The following WRN variants were observed in gnomAD, a reference collection of about 807,000 sequenced individuals.
WRN encodes the protein WRN RecQ like helicase, also known as bifunctional 3'-5' exonuclease/ATP-dependent helicase WRN.
Under a neutral mutation model 180.7 loss-of-function variants are expected in WRN, and 149 were observed. The ratio of observed to expected loss-of-function variants is 0.82; its 90% CI spans 0.72 to 0.94. WRN has a LOEUF of 0.94. WRN is among the 40% of genes least tolerant of loss of function. The pLI is 0.00. For synonymous variants in WRN, 548 were observed against 568.9 expected, an observed-to-expected ratio of 0.96 and a Z score of 0.52; for missense variants, 1,661 against 1,700.1, an observed-to-expected ratio of 0.98 and a Z score of 0.40.
chr8:31,091,802 G>A, intron 15 of WRN, 28 bp from the exon 16 acceptor site: 1 of 1,595,314 alleles, frequency 6.3e-7, no homozygotes, highest in Non-Finnish European at 8.6e-7. Context: ...TGTACATGGT[G>A]CCAGAATATT....
intron 4 of WRN, 108 bp downstream of exon 4, chr8:31,064,542 A>C: frequency 2.1e-6 from 3 of 1,453,842 alleles, no homozygotes; most frequent in East Asian, 2.3e-5. Flanking sequence ...TCATTATCTC[A>C]AATTTATTTA....
intron 34 of WRN, 112 bp from the exon 35 acceptor site, chr8:31,172,879 TTGGA>T (rs1804154006): frequency 1.2e-6 from 1 of 807,310 alleles, no homozygotes; most frequent in African/African-American, 1.7e-5. Flanking sequence ...ACTATTTTGT[TTGGA>T]TGGGGGAGAA....
intron 4 of WRN, 91 bp downstream of exon 4, chr8:31,064,525 C>A (rs11574198): frequency 6.5e-7 from 1 of 1,532,942 alleles, no homozygotes; most frequent in Admixed American, 1.7e-5. Context: ...ATTAGCTGGC[C>A]GTTCTCTCAT....
In WRN at chr8:31,147,405, T is replaced by G; in HGVS notation, c.3501T>G (p.His1167Gln). The change falls in exon 30 of 35, where the codon CAT (histidine) becomes CAG (glutamine). Residue 1167 changes from histidine (H) to glutamine (Q), a missense_variant. Transcript: ENST00000298139. ...YGKLVEARQK[H>Q]ANKMDVPPAI... ...AATTGGTAGAAGCTAGGCAGAAACATGCCAATAAAATGGATGTTCCCCCAG... is the reference window on the plus strand; with the variant it reads ...AATTGGTAGAAGCTAGGCAGAAACAGGCCAATAAAATGGATGTTCCCCCAG... 1 of 1,614,066 alleles carries G rather than the reference T, an allele frequency of 6.2e-7. No individual in the cohort carries two copies. Among genetic ancestry groups the G allele is most frequent in the East Asian group, 2.2e-5 (1 of 44,834 alleles).
intron 34 of WRN, among the ~76,000 whole-genome samples, chr8:31,172,582 G>C (rs1293566223): frequency 6.6e-6 from 1 of 152,202 alleles, no homozygotes; most frequent in Non-Finnish European, 1.5e-5. Context: ...GATGTTAGAA[G>C]CTATATTCTT....
intron 10 of WRN, among the ~76,000 whole-genome samples, chr8:31,084,067 C>T (rs1394362725): frequency 1.3e-5 from 2 of 152,210 alleles, no homozygotes; most frequent in African/African-American, 4.8e-5. Flanking sequence ...TGCTCCATCT[C>T]GGCTCACTGC....
chr8:31,167,143 T>C lies in WRN; in HGVS notation c.4104T>C (p.Asp1368=), dbSNP rs1563393579. The C allele has an allele frequency of 6.2e-7, 1 of 1,613,374 alleles. No individual in the cohort carries two copies. Among genetic ancestry groups the C allele is most frequent in the Non-Finnish European group, 8.5e-7 (1 of 1,179,524 alleles). ...ACAGCGGACTTCAACCTTCATGTGA[T>C]GTCAACAAAAGGAGATGTTTTCCCG... ...GPDSGLQPSC[D]VNKRRCFPGS... The change falls in exon 34 of 35, where the codon GAT becomes GAC. Residue 1368 remains aspartate, a synonymous_variant. Transcript: ENST00000298139.
intron 1 of WRN, among the ~76,000 whole-genome samples, chr8:31,053,059 G>A (rs1749329660): frequency 1.3e-5 from 2 of 152,042 alleles, no homozygotes; most frequent in Admixed American, 1.3e-4. Flanking sequence ...TAATCAAAAA[G>A]GCATTCATTT....
chr8:31,120,295 GC>G lies in WRN; in HGVS notation c.2503del (p.Gln835LysfsTer41), dbSNP rs748484883. 27 of 1,612,760 alleles carry G rather than the reference GC, an allele frequency of 1.7e-5. No homozygotes were observed. Among genetic ancestry groups the G allele is most frequent in the Non-Finnish European group, 2.1e-5 (25 of 1,179,142 alleles). Reference sequence around the variant, plus strand: ...ATGGGCATTAATAAAGCTGACATTCGCCAAGTCATTCATTACGGTGCTCCTA... The same window carrying G: ...ATGGGCATTAATAAAGCTGACATTCGCAAGTCATTCATTACGGTGCTCCTA... The part of the protein sequence containing the change: ...FGMGINKADI[R>X]QVIHYGAPKD... On this transcript the variant is annotated frameshift_variant, in exon 21 of 35. Coordinates refer to ENST00000298139, the MANE Select transcript of WRN (RefSeq NM_000553.6). LOFTEE classifies it high-confidence loss of function.
chr8:31,059,586 C>T (rs1812408415), intron 3 of WRN, among the ~76,000 whole-genome samples: 2 of 152,110 alleles, frequency 1.3e-5, no homozygotes, highest in Non-Finnish European at 2.9e-5. Context: ...AGCTACTGAA[C>T]ATACTGTGTT....
chr8:31,059,864 G>A (rs11574181), intron 3 of WRN, among the ~76,000 whole-genome samples: 150 of 152,096 alleles, frequency 9.9e-4, no homozygotes, highest in African/African-American at 3.6e-3. Context: ...AGACCATCCC[G>A]GCTAACATGG....
chr8:31,091,906 A>G lies in WRN; in HGVS notation c.1898+8A>G. On this transcript the variant is annotated splice_region_variant and intron_variant, in intron 16 of 34. Transcript: ENST00000298139. ...TCTAACAGATATTAAATTGTGAGTAATTTTTTTCCCTCAACTTTTATTTTG... is the reference window on the plus strand; with the variant it reads ...TCTAACAGATATTAAATTGTGAGTAGTTTTTTTCCCTCAACTTTTATTTTG... 6.2e-7 allele frequency: 1 copy of G among 1,612,368 alleles called. No individual in the cohort carries two copies.
At chr8:31,158,680 T>C (rs1803485496) in intron 33 of WRN, among the ~76,000 whole-genome samples, 1 of 152,104 alleles carries the variant, frequency 6.6e-6, no homozygotes, top group Non-Finnish European at 1.5e-5. Flanking sequence ...AATACTGTAC[T>C]TAAATGGATC....
chr8:31,082,919 TAAG>T (rs1195043514), intron 9 of WRN, among the ~76,000 whole-genome samples: 1 of 152,224 alleles, frequency 6.6e-6, no homozygotes, highest in Non-Finnish European at 1.5e-5. Context: ...ATTCGTTAAA[TAAG>T]AAGTAAAAGA....
intron 34 of WRN, among the ~76,000 whole-genome samples, chr8:31,172,638 C>G (rs1283795737): frequency 6.6e-6 from 1 of 152,198 alleles, no homozygotes; most frequent in Non-Finnish European, 1.5e-5. Flanking sequence ...CATGCCCAGG[C>G]ATGTTCCTTC....
rs1347584541 is a variant in WRN, at chr8:31,132,347, G to A, written c.2826-18G>A. ...TGCCTTTGCTAAGCTTTCTTCAAATGTTATTATTTTTATTTAGATTGGATC... is the reference window on the plus strand; with the variant it reads ...TGCCTTTGCTAAGCTTTCTTCAAATATTATTATTTTTATTTAGATTGGATC... On this transcript the variant is annotated intron_variant, in intron 23 of 34. Transcript: ENST00000298139. The A allele has an allele frequency of 9.3e-6, 15 of 1,612,016 alleles. No individual in the cohort carries two copies. The highest frequency in any genetic ancestry group is 3.3e-5 in the South Asian group (3 of 90,566).
At chr8:31,102,374 T>A (rs1800909783) in intron 18 of WRN, among the ~76,000 whole-genome samples, 1 of 152,250 alleles carries the variant, frequency 6.6e-6, no homozygotes, top group African/African-American at 2.4e-5. Context: ...TGTGGTCATG[T>A]GTTGCCTAAC....
intron 18 of WRN, among the ~76,000 whole-genome samples, chr8:31,105,271 C>A (rs941322102): frequency 6.6e-6 from 1 of 152,056 alleles, no homozygotes; most frequent in Non-Finnish European, 1.5e-5. Context: ...TGAAATAATT[C>A]TTTAGTAGTC....
At chr8:31,052,149 A>G (rs925136993) in intron 1 of WRN, among the ~76,000 whole-genome samples, 6 of 152,244 alleles carry the variant, frequency 3.9e-5, no homozygotes, top group African/African-American at 1.2e-4. Flanking sequence ...CTTGTTCTAT[A>G]GTATGAAAAA....
Sources: gnomAD v4.1 joint callset for allele counts (sites outside exome capture counted in the v4.1 genomes callset) on GRCh38, gnomAD v4.1.1 for gene constraint, MANE v1.5 for transcripts, NCBI Gene and HGNC (gene_info 2026-07-23, HGNC 2026-07-21) for gene names.